STAU1: variants seen among roughly 807,000 people sequenced by gnomAD.
STAU1 encodes staufen double-stranded RNA binding protein 1, also known as double-stranded RNA-binding protein Staufen homolog 1.
In STAU1, 13 loss-of-function variants were observed where a neutral mutation model predicts 62.9. The ratio of observed to expected loss-of-function variants is 0.21; its 90% CI spans 0.13 to 0.33. STAU1 has a LOEUF of 0.33. STAU1 is among the 10% of genes least tolerant of loss of function. The pLI is 1.00. For missense variants in STAU1, 571 were observed against 712.1 expected (o/e 0.80, Z 2.25); for synonymous variants, 269 against 265.1 (o/e 1.01, Z -0.14).
the STAU1 span, among the ~76,000 whole-genome samples, chr20:49,215,900 T>C: frequency 3.4e-5 from 5 of 145,764 alleles, no homozygotes; most frequent in Admixed American, 3.5e-4. Context: ...CCCAGGTACT[T>C]GGGAGGCTGA....
the STAU1 span, among the ~76,000 whole-genome samples, chr20:49,195,553 AAAAAAAAAGAT>A: frequency 4.8e-4 from 65 of 134,896 alleles, 8 homozygotes; most frequent in East Asian, 0.013. Context: ...AAAAAAAAAA[AAAAAAAAAGAT>A]AGCAACAGAC....
intron 6 of STAU1, chr20:49,134,838 C>G (rs2092839007): frequency 5.2e-6 from 8 of 1,528,228 alleles, no homozygotes; most frequent in Non-Finnish European, 7.3e-6. Context: ...TATACCAAAC[C>G]TGCAAACAAA....
the STAU1 span, among the ~76,000 whole-genome samples, chr20:49,213,316 C>T: frequency 9.9e-5 from 15 of 152,134 alleles, no homozygotes; most frequent in African/African-American, 2.6e-4. Context: ...CTGCAACCTC[C>T]GCCTCCTGGA....
At position 49,151,716 on chromosome 20, in the gene STAU1, G is replaced by C. The variant is rs147687657; in HGVS notation, c.376C>G (p.Leu126Val). 5.6e-6 allele frequency: 9 copies of C among 1,610,192 alleles called. No homozygotes were observed. The African/African-American group carries it at 1.2e-4, about 22-fold the overall frequency. The change falls in exon 5 of 14, where the codon CTT becomes GTT. Residue 126 changes from leucine to valine, a missense_variant. By Grantham distance (32) the Leu-to-Val change is conservative. Transcript: ENST00000371856. ...CCCACAGAAAGTTCCACTTGATAAA[G>C]TAAAGGTGGAACTGGAAATGGGTAA... ...YFYPFPVPPL[L>V]YQVELSVGGQ...
chr20:49,195,261 G>A, the STAU1 span, among the ~76,000 whole-genome samples: 3 of 152,226 alleles, frequency 2.0e-5, no homozygotes, highest in African/African-American at 7.2e-5. Context: ...CAACAGGCTG[G>A]GCGCTGTGGC....
chr20:49,208,918 G>T, the STAU1 span, among the ~76,000 whole-genome samples: 3 of 151,564 alleles, frequency 2.0e-5, no homozygotes, highest in African/African-American at 7.3e-5. Flanking sequence ...CACTGCGCCC[G>T]GCCGATCCTG....
intron 1 of STAU1, among the ~76,000 whole-genome samples, chr20:49,175,873 C>T (rs1383134658): frequency 1.3e-5 from 2 of 148,856 alleles, no homozygotes; most frequent in Non-Finnish European, 3.0e-5. Context: ...CGGCTCACTG[C>T]AAGCTCCGCC....
Position 49,117,034 on chromosome 20 carries a change from T to TC in STAU1, c.1632+91dup. On this transcript the variant is annotated intron_variant, in intron 12 of 13. Transcript: ENST00000371856. This position sits in a 1 kb window ranked among gnomAD's most constrained non-coding sequence, Gnocchi z 4.6. ...CTCAAGGTCTATGGGACAATCTTTC[T>TC]CCCATCTTCCTCAGGCTAGTAACAA... 4.0e-6 allele frequency: 6 copies of TC among 1,510,256 alleles called. No homozygotes were observed. In the South Asian group the frequency reaches 7.4e-5, roughly 19 times the overall value. The allele number at this position is 1,510,256 out of a possible 1,614,324, so 93.6% of individuals were successfully genotyped here.
In STAU1 at chr20:49,131,072, A is replaced by G. The variant is rs138646373; in HGVS notation, c.609+4761T>C. On this transcript the variant is annotated intron_variant, in intron 6 of 13. Transcript: ENST00000371856. ...TCTGAGAAGGATCAATATCACTCCCATGGTGATCCTGCCAAAAAACACATA... is the reference window on the plus strand; with the variant it reads ...TCTGAGAAGGATCAATATCACTCCCGTGGTGATCCTGCCAAAAAACACATA... 2.0e-5 allele frequency among the ~76,000 whole-genome samples: 3 copies of G among 152,294 alleles called. No homozygotes were observed. The East Asian group carries it at 5.8e-4, about 29-fold the overall frequency.
Position 49,157,212 on chromosome 20 carries a change from A to AT in STAU1, c.206-3142dup, listed in dbSNP as rs541684537. Among the ~76,000 whole-genome samples, 259 of 152,264 alleles carry AT rather than the reference A, an allele frequency of 1.7e-3. 1 individual carries two copies. Among genetic ancestry groups the AT allele is most frequent in the African/African-American group, 5.9e-3 (247 of 41,560 alleles). ...CTTCCAATTACTTCTCATGAAAGAT[A>AT]TTTTGCAAACTTGATTTAAACACAC... On this transcript the variant is annotated intron_variant, in intron 3 of 13. Coordinates refer to ENST00000371856, the MANE Select transcript of STAU1 (RefSeq NM_017453.4).
At chr20:49,192,842 A>G (rs1206215607), upstream of STAU1, among the ~76,000 whole-genome samples, 1 of 152,198 alleles carries the variant, frequency 6.6e-6, no homozygotes, top group Non-Finnish European at 1.5e-5. Flanking sequence ...ATCCCAAGAA[A>G]AATAACAAAC....
At chr20:49,195,904 A>AAAG in the STAU1 span, among the ~76,000 whole-genome samples, 1 of 95,278 alleles carries the variant, frequency 1.0e-5, no homozygotes, top group Non-Finnish European at 2.3e-5. Flanking sequence ...CTCTCAAAAA[A>AAAG]AAAAAAAAAA....
At position 49,117,314 on chromosome 20, in the gene STAU1, A is replaced by G. The variant is rs1188130125; in HGVS notation, c.1510-66T>C. On this transcript the variant is annotated intron_variant, in intron 11 of 13. Coordinates refer to ENST00000371856, the MANE Select transcript of STAU1 (RefSeq NM_017453.4). The surrounding 1 kb of genome is among the most constrained non-coding windows in gnomAD (Gnocchi z 4.6). ...AAGTATGAGTGGGCTGGAGGGCTGC[A>G]GCTCCAGGCCCCACAAGCAAGATCA... is the stretch of plus-strand genomic sequence containing the variant. The G allele has an allele frequency of 1.3e-6, 2 of 1,575,390 alleles. No individual in the cohort carries two copies. The highest frequency in any genetic ancestry group is 1.3e-5 in the African/African-American group (1 of 74,200).
Position 49,124,543 on chromosome 20 carries a change from G to A in STAU1, c.654C>T (p.Thr218=), listed in dbSNP as rs757771926. 2 of 1,613,936 alleles carry A rather than the reference G, an allele frequency of 1.2e-6. No individual in the cohort carries two copies. The highest frequency in any genetic ancestry group is 4.5e-5 in the East Asian group (2 of 44,870). Residue 218 remains threonine, a synonymous_variant, in exon 7 of 14, where the codon ACC becomes ACT. Coordinates refer to ENST00000371856, the MANE Select transcript of STAU1 (RefSeq NM_017453.4). ...SGPPHMKNFV[T]KVSVGEFVGE... ...CCACAAACTCCCCAACCGAAACCTTGGTCACAAAGTTCTTCATGTGGGGTG... is the reference window on the plus strand; with the variant it reads ...CCACAAACTCCCCAACCGAAACCTTAGTCACAAAGTTCTTCATGTGGGGTG...
intron 6 of STAU1, chr20:49,134,751 G>A: frequency 1.7e-6 from 2 of 1,152,802 alleles, no homozygotes; most frequent in Non-Finnish European, 1.3e-6. Context: ...AAAAGTCAAG[G>A]TGAGAAAGAA....
intron 1 of STAU1, among the ~76,000 whole-genome samples, chr20:49,178,592 T>C (rs887441242): frequency 6.8e-6 from 1 of 147,206 alleles, no homozygotes; most frequent in African/African-American, 2.5e-5. Flanking sequence ...CTACTAAAAA[T>C]AAAAAAAAAT....
At chr20:49,135,690 C>T (rs1183720586) in intron 6 of STAU1, 143 bp downstream of exon 6, 2 of 680,974 alleles carry the variant, frequency 2.9e-6, no homozygotes, top group East Asian at 2.7e-5. Context: ...CACTGCTTCA[C>T]TAAATATAAA....
At chr20:49,120,412 G>T (rs573502611) in intron 8 of STAU1, among the ~76,000 whole-genome samples, 2 of 152,284 alleles carry the variant, frequency 1.3e-5, no homozygotes, top group African/African-American at 4.8e-5. Context: ...TGTTCTGAGG[G>T]TCTGCCCAGC....
intron 5 of STAU1, among the ~76,000 whole-genome samples, chr20:49,145,288 G>A (rs2093102694): frequency 6.6e-6 from 1 of 151,502 alleles, no homozygotes; most frequent in Admixed American, 6.6e-5. Context: ...GCCGGCGGTA[G>A]TGGCACGCAC....
Sources: allele counts gnomAD v4.1 joint callset (sites outside exome capture counted in the v4.1 genomes callset), GRCh38; gene constraint gnomAD v4.1.1; non-coding constraint Gnocchi (gnomAD v3.1); transcripts MANE v1.5; gene names NCBI Gene and HGNC (gene_info 2026-07-23, HGNC 2026-07-21).